Variants in PREX1 observed in about 807,000 individuals in gnomAD.
The protein encoded by PREX1 is phosphatidylinositol-3,4,5-trisphosphate dependent Rac exchange factor 1, also known as phosphatidylinositol 3,4,5-trisphosphate-dependent Rac exchanger 1 protein.
Under a neutral mutation model 198.3 loss-of-function variants are expected in PREX1, and 41 were observed. The ratio of observed to expected loss-of-function variants is 0.21; its 90% CI spans 0.16 to 0.27. The LOEUF (loss-of-function observed/expected upper bound fraction) is 0.27, where lower values mean the gene tolerates loss of function less well. Among genes scored for constraint, PREX1 ranks in the 10% least tolerant of loss-of-function variants. PREX1 has a pLI of 1.00. For missense variants in PREX1, 1,620 were observed against 2,200.7 expected (o/e 0.74, Z 5.28); for synonymous variants, 843 against 887.2 (o/e 0.95, Z 0.89).
chr20:48,843,738 G>A, the PREX1 span, among the ~76,000 whole-genome samples: 2 of 152,162 alleles, frequency 1.3e-5, no homozygotes, highest in African/African-American at 4.8e-5. Context: ...GCAATGGTGA[G>A]GCATGGAGTT....
At chr20:48,746,856 A>G (rs2090109888) in intron 2 of PREX1, among the ~76,000 whole-genome samples, 1 of 152,176 alleles carries the variant, frequency 6.6e-6, no homozygotes, top group South Asian at 2.1e-4. Context: ...AAATAAGTGG[A>G]ATAAACAGGA....
intron 3 of PREX1, among the ~76,000 whole-genome samples, chr20:48,740,875 A>G (rs2090078422): frequency 6.6e-6 from 1 of 152,258 alleles, no homozygotes; most frequent in South Asian, 2.1e-4. Context: ...TCTAGATAGA[A>G]TGCGGTAATA....
At chr20:48,854,589 T>A in the PREX1 span, among the ~76,000 whole-genome samples, 1 of 152,080 alleles carries the variant, frequency 6.6e-6, no homozygotes, top group African/African-American at 2.4e-5. Context: ...AAAAACCACA[T>A]GTACTAAGCA....
At chr20:48,843,435 C>T in the PREX1 span, among the ~76,000 whole-genome samples, 1 of 152,066 alleles carries the variant, frequency 6.6e-6, no homozygotes, top group African/African-American at 2.4e-5. Flanking sequence ...TAACTGGAGC[C>T]CCAGTACTAC....
the PREX1 span, among the ~76,000 whole-genome samples, chr20:48,878,600 A>T: frequency 1.3e-5 from 2 of 152,096 alleles, no homozygotes; most frequent in African/African-American, 4.8e-5. Flanking sequence ...AGCCTCCCAA[A>T]GTGCTGGGAT....
the PREX1 span, among the ~76,000 whole-genome samples, chr20:48,859,996 C>A: frequency 6.6e-6 from 1 of 151,968 alleles, no homozygotes; most frequent in Admixed American, 6.6e-5. Flanking sequence ...CCAGCCTGGG[C>A]AACAGAGTGT....
chr20:48,865,448 C>G, the PREX1 span, among the ~76,000 whole-genome samples: 1 of 152,160 alleles, frequency 6.6e-6, no homozygotes, highest in Non-Finnish European at 1.5e-5. Flanking sequence ...AGACGGGTCT[C>G]CATGTATTGC....
chr20:48,692,657 T>TGG lies in PREX1; in HGVS notation c.1036+13_1036+14dup. 1 of 1,605,932 alleles carries TGG rather than the reference T, an allele frequency of 6.2e-7. No individual in the cohort carries two copies. Among genetic ancestry groups the TGG allele is most frequent in the Non-Finnish European group, 8.5e-7 (1 of 1,172,776 alleles). ...GGCTCAGGCAGGGCTCAGGCAAGGCTGGGGGAGGGGCTACCTGTCCCATCT... is the reference window on the plus strand; with the variant it reads ...GGCTCAGGCAGGGCTCAGGCAAGGCTGGGGGGGAGGGGCTACCTGTCCCATCT... On this transcript the variant is annotated intron_variant, in intron 8 of 39. Transcript: ENST00000371941.
intron 5 of PREX1, among the ~76,000 whole-genome samples, chr20:48,712,140 T>C (rs543622947): frequency 6.6e-6 from 1 of 152,374 alleles, no homozygotes; most frequent in Admixed American, 6.5e-5. Context: ...AACTGTGTTC[T>C]TCCTTCTGCT....
chr20:48,704,457 T>C (rs2089892316), intron 6 of PREX1, among the ~76,000 whole-genome samples: 1 of 152,200 alleles, frequency 6.6e-6, no homozygotes, highest in African/African-American at 2.4e-5. Flanking sequence ...AGTGAGCAGT[T>C]GATCATCTCT....
Position 48,817,027 on chromosome 20 carries a change from C to T in PREX1, c.219+10615G>A, listed in dbSNP as rs115262992. On this transcript the variant is annotated intron_variant, in intron 1 of 39. Coordinates refer to ENST00000371941, the MANE Select transcript of PREX1 (RefSeq NM_020820.4). Reference sequence around the variant, plus strand: ...CCTCTCTGGGCCTCAGTTTCCTCATCTGCAAAACTGCAAGGCTGTAAATGA... The same window carrying T: ...CCTCTCTGGGCCTCAGTTTCCTCATTTGCAAAACTGCAAGGCTGTAAATGA... 5.7e-3 allele frequency among the ~76,000 whole-genome samples: 863 copies of T among 152,316 alleles called. 5 individuals carry two copies. The highest frequency in any genetic ancestry group is 0.02 in the African/African-American group (831 of 41,550).
At chr20:48,734,687 A>G (rs1335655443) in intron 3 of PREX1, 37 bp from the exon 4 acceptor site, 6 of 1,590,024 alleles carry the variant, frequency 3.8e-6, no homozygotes, top group Non-Finnish European at 5.2e-6. Flanking sequence ...GAGGCAGGTC[A>G]TGGTAGCAGG....
intron 26 of PREX1, among the ~76,000 whole-genome samples, chr20:48,645,058 T>G (rs534591564): frequency 6.6e-6 from 1 of 152,226 alleles, no homozygotes; most frequent in Non-Finnish European, 1.5e-5. Flanking sequence ...ACTATGGACA[T>G]GAGGCTCTGG....
At chr20:48,645,623 C>T (rs1474891057) in intron 26 of PREX1, among the ~76,000 whole-genome samples, 1 of 152,170 alleles carries the variant, frequency 6.6e-6, no homozygotes, top group Non-Finnish European at 1.5e-5. Flanking sequence ...CAGATGGGTC[C>T]ACGTGGGGAC....
At chr20:48,762,147 C>T (rs1400071211) in intron 1 of PREX1, among the ~76,000 whole-genome samples, 1 of 152,214 alleles carries the variant, frequency 6.6e-6, no homozygotes, top group Non-Finnish European at 1.5e-5. Context: ...AGATCTTTTT[C>T]CTGCTAAGTC....
chr20:48,643,044 GAC>G (rs1168145615), intron 27 of PREX1, among the ~76,000 whole-genome samples: 2 of 152,232 alleles, frequency 1.3e-5, no homozygotes, highest in African/African-American at 4.8e-5. Context: ...GAACAGCAGT[GAC>G]AGCCTGAGAA....
At chr20:48,759,793 G>C (rs1390619588) in intron 1 of PREX1, among the ~76,000 whole-genome samples, 2 of 152,028 alleles carry the variant, frequency 1.3e-5, no homozygotes, top group African/African-American at 4.8e-5. Flanking sequence ...CATAGCAGGT[G>C]CTCAAAAAAC....
chr20:48,775,118 A>G (rs955058485), intron 1 of PREX1, among the ~76,000 whole-genome samples: 3 of 152,122 alleles, frequency 2.0e-5, no homozygotes, highest in African/African-American at 7.2e-5. Flanking sequence ...CCAGGCACTC[A>G]TTGGTTCTCT....
In PREX1 at chr20:48,787,597, C is replaced by T. The variant is rs73909722; in HGVS notation, c.220-39717G>A. ...CAGGACGACGAAAACCCTCGTCTTC[C>T]CCCTTACATTAAAAAAAAAAAAAGC... On this transcript the variant is annotated intron_variant, in intron 1 of 39. Coordinates refer to ENST00000371941, the MANE Select transcript of PREX1 (RefSeq NM_020820.4). Among the ~76,000 whole-genome samples the T allele has an allele frequency of 7.3e-3, 1,101 of 150,434 alleles. 9 individuals carry two copies. Among genetic ancestry groups the T allele is most frequent in the African/African-American group, 0.026 (1,057 of 40,962 alleles).
Sources: allele counts gnomAD v4.1 joint callset (sites outside exome capture counted in the v4.1 genomes callset), GRCh38; gene constraint gnomAD v4.1.1; transcripts MANE v1.5; gene names NCBI Gene and HGNC (gene_info 2026-07-23, HGNC 2026-07-21).